RHOBTB2: variants seen among roughly 807,000 people sequenced by gnomAD.
RHOBTB2 encodes Rho related BTB domain containing 2, also known as rho-related BTB domain-containing protein 2.
In RHOBTB2, 39 loss-of-function variants were observed where a neutral mutation model predicts 66.5. The ratio of observed to expected loss-of-function variants is 0.59; its 90% CI spans 0.45 to 0.77. RHOBTB2 has a LOEUF of 0.77. Ranked by LOEUF, RHOBTB2 falls within the 30% of genes least tolerant of loss-of-function variation. The probability of loss-of-function intolerance (pLI) is 0.00; values close to 1 mark genes in which losing one functional copy is unlikely to be tolerated. For missense variants in RHOBTB2, 755 were observed against 999.1 expected, an observed-to-expected ratio of 0.76 and a Z score of 3.29; for synonymous variants, 390 against 395.0, an observed-to-expected ratio of 0.99 and a Z score of 0.15.
In RHOBTB2 at chr8:23,007,247, T is replaced by G. The variant is rs1196536418; in HGVS notation, c.1002T>G (p.His334Gln). Residue 334 changes from histidine to glutamine, a missense_variant, in exon 5 of 10, where the codon CAT (histidine) becomes CAG (glutamine). Transcript: ENST00000251822. ...ACCACCACCATCACCACCACCACCA[T>G]GGGCGAGACTTCCTGCTCCGAGCAG... is the stretch of plus-strand genomic sequence containing the variant. ...DQHHHHHHHH[H>Q]GRDFLLRAAS... The G allele has an allele frequency of 1.9e-6, 3 of 1,611,590 alleles. No individual in the cohort carries two copies. The Admixed American group carries it at 5.0e-5, about 27-fold the overall frequency.
intron 7 of RHOBTB2, among the ~76,000 whole-genome samples, chr8:23,011,546 A>C (rs1345413045): frequency 6.6e-6 from 1 of 152,154 alleles, no homozygotes; most frequent in East Asian, 1.9e-4. Context: ...TAGTGTGGAC[A>C]AATCCCAGGG....
chr8:22,990,488 C>T (rs548882144), intron 1 of RHOBTB2, among the ~76,000 whole-genome samples: 65 of 152,286 alleles, frequency 4.3e-4, no homozygotes, highest in African/African-American at 1.3e-3. Flanking sequence ...AAGGGGCGGC[C>T]GCTGTGAGGC....
In RHOBTB2 at chr8:22,999,626, T is replaced by G. The variant is rs988250759; in HGVS notation, c.-490T>G. ...ACCCTCCCGTTTTTTTCTTTTCTTT[T>G]TTTTTTCCCTATCCTTTTTTTGTGA... On this transcript the variant is annotated 5_prime_UTR_variant, in exon 1 of 10. Transcript: ENST00000251822. 18 of 1,243,732 alleles carry G rather than the reference T, an allele frequency of 1.4e-5. No individual in the cohort carries two copies. In the East Asian group the frequency reaches 3.1e-4, roughly 22 times the overall value. 77.0% of individuals were successfully genotyped at this position (1,243,732 alleles called of 1,614,324 possible). A position where few individuals can be genotyped will look rare whatever the true frequency, so the allele number is the denominator to read the frequency against.
the RHOBTB2 span, among the ~76,000 whole-genome samples, chr8:22,965,017 A>G: frequency 1.3e-5 from 2 of 152,034 alleles, no homozygotes; most frequent in African/African-American, 4.8e-5. Flanking sequence ...GGGTTTCACC[A>G]TGTTGGCCAG....
chr8:22,993,484 G>A (rs544009154), intron 2 of RHOBTB2, among the ~76,000 whole-genome samples: 1 of 152,334 alleles, frequency 6.6e-6, no homozygotes, highest in Non-Finnish European at 1.5e-5. Context: ...CACAAGTGGA[G>A]AAGGAGTTAG....
upstream of RHOBTB2, chr8:22,998,905 T>G (rs1810663839): frequency 6.6e-6 from 1 of 152,124 alleles, no homozygotes. Context: ...GCTACTCACT[T>G]CATGGTGTTT....
At chr8:22,965,089 T>G in the RHOBTB2 span, among the ~76,000 whole-genome samples, 1 of 152,198 alleles carries the variant, frequency 6.6e-6, no homozygotes. Context: ...AGTGTTTGGA[T>G]TACAAGTGTG....
At chr8:23,014,583 C>A in intron 7 of RHOBTB2, 107 bp from the exon 8 acceptor site, 1 of 1,015,496 alleles carries the variant, frequency 9.8e-7, no homozygotes, top group Non-Finnish European at 1.5e-6. Context: ...CCGGACCTGC[C>A]CGGGCCCTGG....
the RHOBTB2 span, among the ~76,000 whole-genome samples, chr8:22,967,474 G>A: frequency 6.6e-6 from 1 of 151,972 alleles, no homozygotes; most frequent in Non-Finnish European, 1.5e-5. Context: ...AGCTGGGCGT[G>A]ATGGCAGGCG....
Position 22,999,600 on chromosome 8 carries a change from T to C in RHOBTB2, c.-516T>C. 8.1e-7 allele frequency: 1 copy of C among 1,227,658 alleles called. No homozygotes were observed. The allele number at this position is 1,227,658 out of a possible 1,614,324, so 76.0% of individuals were successfully genotyped here. ...TGCGATTTTTTTCTCCTCCTTTTTT[T>C]ACCCTCCCGTTTTTTTCTTTTCTTT... On this transcript the variant is annotated 5_prime_UTR_variant, in exon 1 of 10. Coordinates refer to ENST00000251822, the MANE Select transcript of RHOBTB2 (RefSeq NM_015178.3).
At chr8:22,996,025 G>A (rs772556179), upstream of RHOBTB2, 2 of 786,744 alleles carry the variant, frequency 2.5e-6, no homozygotes, top group South Asian at 3.0e-5. Flanking sequence ...GAGCAACGCT[G>A]GTGGGACTGG....
At chr8:23,013,835 T>G (rs1022535547) in intron 7 of RHOBTB2, among the ~76,000 whole-genome samples, 1 of 152,210 alleles carries the variant, frequency 6.6e-6, no homozygotes, top group Admixed American at 6.5e-5. Context: ...CCCCTTAGAT[T>G]TGAACATTCT....
At chr8:22,951,308 G>A in the RHOBTB2 span, among the ~76,000 whole-genome samples, 2 of 124,220 alleles carry the variant, frequency 1.6e-5, no homozygotes, top group East Asian at 4.7e-4. Flanking sequence ...CTGGAGTGCA[G>A]TGGCGCGATC....
intron 6 of RHOBTB2, among the ~76,000 whole-genome samples, chr8:23,008,908 G>C (rs553042230): frequency 6.6e-6 from 1 of 152,188 alleles, no homozygotes; most frequent in South Asian, 2.1e-4. Flanking sequence ...CTCTGGATTG[G>C]TTGGTTTGCA....
At chr8:22,951,968 G>T in the RHOBTB2 span, among the ~76,000 whole-genome samples, 1 of 152,166 alleles carries the variant, frequency 6.6e-6, no homozygotes, top group South Asian at 2.1e-4. Flanking sequence ...AGATCCGCCT[G>T]CCTCGGCCTC....
the RHOBTB2 span, among the ~76,000 whole-genome samples, chr8:22,979,223 C>A: frequency 3.9e-5 from 6 of 152,098 alleles, no homozygotes; most frequent in African/African-American, 1.4e-4. Flanking sequence ...TCCTCCCTTC[C>A]TTTCAAAATA....
intron 2 of RHOBTB2, among the ~76,000 whole-genome samples, chr8:22,993,707 T>C (rs1193533576): frequency 1.3e-5 from 2 of 152,234 alleles, no homozygotes; most frequent in Non-Finnish European, 2.9e-5. Context: ...TCTCTTGGCT[T>C]CTCTGGCTTC....
the RHOBTB2 span, among the ~76,000 whole-genome samples, chr8:22,964,765 C>A: frequency 1.3e-5 from 2 of 151,538 alleles, no homozygotes; most frequent in African/African-American, 4.9e-5. Context: ...CTAAGCTACA[C>A]GGCTAGTAAT....
At chr8:22,977,855 T>C in the RHOBTB2 span, 2 of 152,066 alleles carry the variant, frequency 1.3e-5, no homozygotes, top group African/African-American at 4.8e-5. Flanking sequence ...GGAGAATTCA[T>C]GTTAAAATAT....
Sources: gnomAD v4.1 joint callset for allele counts (sites outside exome capture counted in the v4.1 genomes callset) on GRCh38, gnomAD v4.1.1 for gene constraint, MANE v1.5 for transcripts, NCBI Gene and HGNC (gene_info 2026-07-23, HGNC 2026-07-21) for gene names.